The following VASH1 variants were observed in gnomAD, a reference collection of about 807,000 sequenced individuals.
VASH1 encodes the protein tubulinyl-Tyr carboxypeptidase 1.
Under a neutral mutation model 35.0 loss-of-function variants are expected in VASH1, and 16 were observed. The observed-to-expected ratio is 0.46, with a 90% confidence interval of 0.31 to 0.70. The LOEUF (loss-of-function observed/expected upper bound fraction) is 0.70. Ranked by LOEUF, VASH1 falls within the 30% of genes least tolerant of loss-of-function variation. The pLI, the probability that VASH1 is intolerant of heterozygous loss-of-function variation, is 0.05. For synonymous variants in VASH1, 214 were observed against 200.9 expected (o/e 1.07, Z -0.55); for missense variants, 505 against 510.7 (o/e 0.99, Z 0.11).
At chr14:76,768,403 T>C (rs1893699739) in intron 1 of VASH1, among the ~76,000 whole-genome samples, 1 of 152,106 alleles carries the variant, frequency 6.6e-6, no homozygotes, top group Non-Finnish European at 1.5e-5. Context: ...GGGCAGCCAG[T>C]GCGGTTGCTA....
intron 1 of VASH1, chr14:76,769,478 T>C (rs1893732305): frequency 7.8e-7 from 1 of 1,288,598 alleles, no homozygotes; most frequent in African/African-American, 1.5e-5. Context: ...ACTGGGTGGG[T>C]CCCCTACCAA....
rs550280457 is a variant in VASH1, at chr14:76,782,524, C to G, written c.*3506C>G. The G allele has an allele frequency of 2.0e-5, 3 of 152,380 alleles. No homozygotes were observed. In the South Asian group the frequency reaches 6.2e-4, roughly 32 times the overall value. The allele number at this position is 152,380 out of a possible 1,614,324, so 9.4% of individuals were successfully genotyped here. On this transcript the variant is annotated 3_prime_UTR_variant, in exon 7 of 7. Coordinates refer to ENST00000167106, the MANE Select transcript of VASH1 (RefSeq NM_014909.5). ...GCAACATCTGTGAGCCCAGTGTCTGCCCTGTGTCCCTGGGCTCGCTCCAAG... is the reference window on the plus strand; with the variant it reads ...GCAACATCTGTGAGCCCAGTGTCTGGCCTGTGTCCCTGGGCTCGCTCCAAG...
Position 76,773,399 on chromosome 14 carries a change from G to A in VASH1, c.530+188G>A, listed in dbSNP as rs1223917852. The A allele has an allele frequency of 1.8e-5, 11 of 597,654 alleles. No homozygotes were observed. The Admixed American group carries it at 2.7e-4, about 14-fold the overall frequency. 37.0% of individuals were successfully genotyped at this position (597,654 alleles called of 1,614,324 possible). On this transcript the variant is annotated intron_variant, in intron 4 of 6. Coordinates refer to ENST00000167106, the MANE Select transcript of VASH1 (RefSeq NM_014909.5). ...CCCCCCAAAATGGAGGAGCCCCGAG[G>A]TCCCAGTACCCCACATCTCAGTTGC...
intron 1 of VASH1, among the ~76,000 whole-genome samples, chr14:76,765,113 T>C (rs1277707530): frequency 6.6e-6 from 1 of 152,150 alleles, no homozygotes; most frequent in Non-Finnish European, 1.5e-5. Flanking sequence ...CGGGCAGCTC[T>C]CCAGCCATCT....
chr14:76,778,119 T>C, intron 6 of VASH1, 48 bp downstream of exon 6: 1 of 1,321,810 alleles, frequency 7.6e-7, no homozygotes, highest in Non-Finnish European at 9.9e-7. Context: ...GTTTTTTTCC[T>C]TTCCTCTCAT....
At chr14:76,777,864 C>G in intron 5 of VASH1, 95 bp from the exon 6 acceptor site, 1 of 949,400 alleles carries the variant, frequency 1.1e-6, no homozygotes, top group Non-Finnish European at 1.5e-6. Context: ...GGGCCTTCCC[C>G]AGGGCAGCCT....
chr14:76,779,470 G>T lies in VASH1; in HGVS notation c.*452G>T. The T allele has an allele frequency of 1.4e-6, 1 of 700,930 alleles. No individual in the cohort carries two copies. Among genetic ancestry groups the T allele is most frequent in the South Asian group, 1.5e-5 (1 of 67,534 alleles). The allele number at this position is 700,930 out of a possible 1,614,324, so 43.4% of individuals were successfully genotyped here. A position where few individuals can be genotyped will look rare whatever the true frequency, so the allele number is the denominator to read the frequency against. ...TGTGATGGGGGGTGGGGGTGGGGTG[G>T]AGATGTTTCTCCAGTTCTGCCTGCC... On this transcript the variant is annotated 3_prime_UTR_variant, in exon 7 of 7. Transcript: ENST00000167106.
rs1894027420 is a variant in VASH1 at position 76,779,023 on chromosome 14, G to C, written c.*5G>C. On this transcript the variant is annotated 3_prime_UTR_variant, in exon 7 of 7. Coordinates refer to ENST00000167106, the MANE Select transcript of VASH1 (RefSeq NM_014909.5). ...GGGTACCAGATCCGGGTCTGAGGCGGATGCCAGCACCCCAGGCCCCACCCA... is the reference window on the plus strand; with the variant it reads ...GGGTACCAGATCCGGGTCTGAGGCGCATGCCAGCACCCCAGGCCCCACCCA... The C allele has an allele frequency of 6.2e-7, 1 of 1,613,884 alleles. No homozygotes were observed. The highest frequency in any genetic ancestry group is 8.5e-7 in the Non-Finnish European group (1 of 1,180,024).
rs1894144542 is a variant in VASH1, at chr14:76,782,705, G to GC, written c.*3688dup. On this transcript the variant is annotated 3_prime_UTR_variant, in exon 7 of 7. Coordinates refer to ENST00000167106, the MANE Select transcript of VASH1 (RefSeq NM_014909.5). Reference sequence around the variant, plus strand: ...AGGCAGGGCTGCCATGGTGCTAGCTGCAAGTCCATCAGTATTGACCGTCTC... The same window carrying GC: ...AGGCAGGGCTGCCATGGTGCTAGCTGCCAAGTCCATCAGTATTGACCGTCTC... 2 of 152,600 alleles carry GC rather than the reference G, an allele frequency of 1.3e-5. No individual in the cohort carries two copies. The allele number at this position is 152,600 out of a possible 1,614,324, so 9.5% of individuals were successfully genotyped here. A position where few individuals can be genotyped will look rare whatever the true frequency, so the allele number is the denominator to read the frequency against.
rs894425927 is a variant in VASH1 at position 76,781,623 on chromosome 14, C to A, written c.*2605C>A. 6.6e-6 allele frequency: 1 copy of A among 152,422 alleles called. No individual in the cohort carries two copies. Among genetic ancestry groups the A allele is most frequent in the Non-Finnish European group, 1.5e-5 (1 of 68,194 alleles). The allele number at this position is 152,422 out of a possible 1,614,324, so 9.4% of individuals were successfully genotyped here. ...ATGGAGAAAACAGCAAAATGAAGCC[C>A]TTACCTGCTTGCTGTCTGCAAGGGA... On this transcript the variant is annotated 3_prime_UTR_variant, in exon 7 of 7. Coordinates refer to ENST00000167106, the MANE Select transcript of VASH1 (RefSeq NM_014909.5).
At position 76,780,385 on chromosome 14, in the gene VASH1, TAGAA is replaced by T; in HGVS notation, c.*1370_*1373del. On this transcript the variant is annotated 3_prime_UTR_variant, in exon 7 of 7. Transcript: ENST00000167106. ...TGTTTGTCAGGAGGCGGTAGAAAGG[TAGAA>T]AGGATTCAGATTGTGGAAGGGTAAA... 1.3e-5 allele frequency: 2 copies of T among 152,370 alleles called. No individual in the cohort carries two copies. 9.4% of individuals were successfully genotyped at this position (152,370 alleles called of 1,614,324 possible).
intron 1 of VASH1, 95 bp from the exon 2 acceptor site, chr14:76,769,864 CAGGG>C: frequency 8.0e-7 from 1 of 1,245,886 alleles, no homozygotes; most frequent in Non-Finnish European, 1.2e-6. Context: ...TGTGCCTCCC[CAGGG>C]TGGGGCGCCT....
At chr14:76,778,851 C>T (rs564775638) in intron 6 of VASH1, 95 bp from the exon 7 acceptor site, 44 of 1,238,874 alleles carry the variant, frequency 3.6e-5, no homozygotes, top group East Asian at 3.0e-4. Context: ...GAGAATGTGG[C>T]GGGGAAGCCA....
At chr14:76,767,286 A>ATAAATAAG (rs1555358666) in intron 1 of VASH1, among the ~76,000 whole-genome samples, 1 of 151,810 alleles carries the variant, frequency 6.6e-6, no homozygotes, top group Admixed American at 6.6e-5. Context: ...AAATAAATAA[A>ATAAATAAG]AAGTCACGAC....
At position 76,766,925 on chromosome 14, in the gene VASH1, A is replaced by AGT. The variant is rs78390683; in HGVS notation, c.310-3035_310-3034dup. ...GTGTTGGTGCCCACTTTATAAATGA[A>AGT]GTGTCTGAGGCACAGGGGAGGTCAG... On this transcript the variant is annotated intron_variant, in intron 1 of 6. Transcript: ENST00000167106. 2.6e-3 allele frequency among the ~76,000 whole-genome samples: 399 copies of AGT among 152,198 alleles called. 9 individuals carry two copies. In the East Asian group the frequency reaches 0.06, roughly 23 times the overall value.
At position 76,776,144 on chromosome 14, in the gene VASH1, G is replaced by A. The variant is rs763535980; in HGVS notation, c.783G>A (p.Gln261=). The A allele has an allele frequency of 6.8e-5, 109 of 1,610,284 alleles. 1 individual carries two copies. In the East Asian group the frequency reaches 2.4e-3, roughly 36 times the overall value. ...TGCTCAAGAAGGTGAAGCTGGGCCA[G>A]AGCGTGTCACACGACCCGCACAGCG... The part of the protein sequence containing the change: ...WHVLKKVKLG[Q]SVSHDPHSVE... Residue 261 remains glutamine, a synonymous_variant, in exon 5 of 7, where the codon CAG becomes CAA. Transcript: ENST00000167106.
intron 3 of VASH1, 61 bp downstream of exon 3, chr14:76,771,307 A>T: frequency 6.8e-7 from 1 of 1,474,674 alleles, no homozygotes; most frequent in Non-Finnish European, 9.1e-7. Flanking sequence ...TGAAAGCCCT[A>T]TAGTGCACCT....
rs774757021 is a variant in VASH1 at position 76,776,011 on chromosome 14, C to T, written c.650C>T (p.Ala217Val). The change falls in exon 5 of 7, where the codon GCG becomes GTG. Residue 217 changes from alanine to valine, a missense_variant. Ala to Val is a moderately conservative substitution (Grantham distance 64, BLOSUM62 0). Coordinates refer to ENST00000167106, the MANE Select transcript of VASH1 (RefSeq NM_014909.5). The stretch of plus-strand genomic sequence containing the variant: ...GTGAACTTCGCGGGCCGCTACGGTG[C>T]GCTGGGCATGAGTCGGCGCGAGGAC... The part of the protein sequence containing the change: ...LGVNFAGRYG[A>V]LGMSRREDLM... The T allele has an allele frequency of 1.1e-5, 17 of 1,612,920 alleles. No homozygotes were observed. The highest frequency in any genetic ancestry group is 6.7e-5 in the African/African-American group (5 of 74,940).
chr14:76,778,897 C>A, intron 6 of VASH1, 49 bp from the exon 7 acceptor site: 2 of 1,591,138 alleles, frequency 1.3e-6, no homozygotes, highest in Non-Finnish European at 1.7e-6. Flanking sequence ...ACTCCATCTC[C>A]CTAACAGACC....
Sources: gnomAD v4.1 joint callset for allele counts (sites outside exome capture counted in the v4.1 genomes callset) on GRCh38, gnomAD v4.1.1 for gene constraint, MANE v1.5 for transcripts, NCBI Gene and HGNC (gene_info 2026-07-23, HGNC 2026-07-21) for gene names.